Variants in LEKR1 observed in about 807,000 individuals in gnomAD.
LEKR1 encodes the protein protein LEKR1.
A neutral mutation model predicts 72.4 loss-of-function variants in LEKR1; 59 were observed. That is an observed-to-expected ratio of 0.82 (90% CI 0.66 to 1.01). The LOEUF (loss-of-function observed/expected upper bound fraction) is 1.01, where lower values mean the gene tolerates loss of function less well. LEKR1 is among the 50% of genes least tolerant of loss of function. LEKR1 has a pLI of 0.00. For synonymous variants in LEKR1, 257 were observed against 263.2 expected, an observed-to-expected ratio of 0.98 and a Z score of 0.23; for missense variants, 728 against 759.2, an observed-to-expected ratio of 0.96 and a Z score of 0.48.
intron 3 of LEKR1, among the ~76,000 whole-genome samples, chr3:156,914,135 A>G (rs990878531): frequency 7.9e-5 from 12 of 152,048 alleles, no homozygotes; most frequent in African/African-American, 2.9e-4. Flanking sequence ...CCATAATTAA[A>G]TTTTCTCAAT....
chr3:156,872,287 T>C (rs925146958), intron 3 of LEKR1, among the ~76,000 whole-genome samples: 1 of 152,040 alleles, frequency 6.6e-6, no homozygotes, highest in Non-Finnish European at 1.5e-5. Context: ...AACATCTTCT[T>C]TTTCATACCT....
chr3:156,839,788 C>A (rs971977172), intron 2 of LEKR1, among the ~76,000 whole-genome samples: 106 of 152,272 alleles, frequency 7.0e-4, no homozygotes, highest in African/African-American at 2.4e-3. Flanking sequence ...CAACATGAAC[C>A]TTCCTATGAT....
At chr3:156,850,143 A>G (rs2108536696) in intron 2 of LEKR1, among the ~76,000 whole-genome samples, 1 of 152,274 alleles carries the variant, frequency 6.6e-6, no homozygotes, top group Admixed American at 6.5e-5. Context: ...ATGCAGCCAA[A>G]AAAACACGTG....
At chr3:156,869,104 G>T (rs1279835690) in intron 3 of LEKR1, among the ~76,000 whole-genome samples, 2 of 152,000 alleles carry the variant, frequency 1.3e-5, no homozygotes, top group East Asian at 3.8e-4. Context: ...TTCCATTGAT[G>T]GACAGTTAGG....
Position 157,024,756 on chromosome 3 carries a change from C to G in LEKR1, c.1204-4C>G. ...TTTACATGTGCTTTAAATGCCATTT[C>G]TAGATTGAAGCAGAACTTGCCAAGG... On this transcript the variant is annotated splice_polypyrimidine_tract_variant and splice_region_variant and intron_variant, in intron 10 of 12. Coordinates refer to ENST00000356539, the MANE Select transcript of LEKR1 (RefSeq NM_001004316.3). 6.3e-7 allele frequency: 1 copy of G among 1,597,230 alleles called. No individual in the cohort carries two copies. The highest frequency in any genetic ancestry group is 8.5e-7 in the Non-Finnish European group (1 of 1,175,114).
At chr3:156,830,733 GA>G (rs961782149) in intron 2 of LEKR1, among the ~76,000 whole-genome samples, 5 of 150,654 alleles carry the variant, frequency 3.3e-5, no homozygotes, top group South Asian at 2.1e-4. Flanking sequence ...GTCTCGGAGA[GA>G]AAAAAAAATC....
At chr3:156,852,375 A>T (rs1421991643) in intron 2 of LEKR1, among the ~76,000 whole-genome samples, 1 of 152,218 alleles carries the variant, frequency 6.6e-6, no homozygotes, top group Non-Finnish European at 1.5e-5. Flanking sequence ...GATCTGAAAA[A>T]GCCAGGAGAA....
chr3:156,895,179 A>G (rs1395564438), intron 3 of LEKR1, among the ~76,000 whole-genome samples: 1 of 152,208 alleles, frequency 6.6e-6, no homozygotes, highest in East Asian at 1.9e-4. Context: ...AAGGAACTTA[A>G]ACAAATTTAC....
intron 10 of LEKR1, among the ~76,000 whole-genome samples, chr3:157,013,079 C>A (rs1482862): frequency 0.051 from 7,818 of 152,078 alleles, 232 homozygotes; most frequent in African/African-American, 0.076. Context: ...ATTAAAGTAA[C>A]ATTTTTGGAA....
intron 9 of LEKR1, among the ~76,000 whole-genome samples, chr3:157,005,078 T>C (rs1042444474): frequency 6.6e-6 from 1 of 152,000 alleles, no homozygotes; most frequent in Non-Finnish European, 1.5e-5. Flanking sequence ...CAGAAATTAC[T>C]AATATCAGAA....
intron 6 of LEKR1, among the ~76,000 whole-genome samples, chr3:156,974,393 G>C (rs1220267693): frequency 3.3e-5 from 5 of 152,118 alleles, no homozygotes; most frequent in East Asian, 1.9e-4. Context: ...AAGCATAAAT[G>C]CTCTCTAGAA....
chr3:156,987,076 T>C (rs1342755268), intron 7 of LEKR1, among the ~76,000 whole-genome samples: 1 of 151,742 alleles, frequency 6.6e-6, no homozygotes, highest in Non-Finnish European at 1.5e-5. Context: ...TGTATTGTAT[T>C]GTATTGTATT....
chr3:156,932,028 A>G (rs1306749767), intron 5 of LEKR1, among the ~76,000 whole-genome samples: 1 of 152,224 alleles, frequency 6.6e-6, no homozygotes, highest in Middle Eastern at 3.2e-3. Flanking sequence ...TCTTATCTGT[A>G]TGATGAAATG....
At chr3:156,984,257 T>C (rs943110626) in intron 7 of LEKR1, among the ~76,000 whole-genome samples, 1 of 152,220 alleles carries the variant, frequency 6.6e-6, no homozygotes, top group African/African-American at 2.4e-5. Flanking sequence ...CTTATCTCAC[T>C]CTATTATATA....
At chr3:156,999,037 T>C (rs2108014009) in intron 9 of LEKR1, among the ~76,000 whole-genome samples, 1 of 152,138 alleles carries the variant, frequency 6.6e-6, no homozygotes, top group South Asian at 2.1e-4. Flanking sequence ...GATCTGATGG[T>C]TTTATAAGGG....
intron 9 of LEKR1, among the ~76,000 whole-genome samples, chr3:156,999,381 CCTT>C (rs2108014290): frequency 6.6e-6 from 1 of 152,252 alleles, no homozygotes; most frequent in South Asian, 2.1e-4. Context: ...TTCTATCCCT[CCTT>C]CTGTCTCCTC....
intron 12 of LEKR1, among the ~76,000 whole-genome samples, chr3:157,039,506 C>G (rs922369025): frequency 1.3e-5 from 2 of 152,102 alleles, no homozygotes; most frequent in African/African-American, 4.8e-5. Flanking sequence ...GTAGTCCCAG[C>G]TACTTGGGAA....
chr3:156,973,118 C>T (rs1236862724), intron 6 of LEKR1, among the ~76,000 whole-genome samples: 3 of 151,988 alleles, frequency 2.0e-5, no homozygotes, highest in Non-Finnish European at 4.4e-5. Context: ...TAATCTTAGG[C>T]ACTTAATTCT....
At chr3:156,934,658 A>T (rs1226359670) in intron 5 of LEKR1, among the ~76,000 whole-genome samples, 1 of 152,172 alleles carries the variant, frequency 6.6e-6, no homozygotes, top group Non-Finnish European at 1.5e-5. Context: ...AATCATAAAC[A>T]TAAAACAACC....
Sources: allele counts gnomAD v4.1 joint callset (sites outside exome capture counted in the v4.1 genomes callset), GRCh38; gene constraint gnomAD v4.1.1; transcripts MANE v1.5; gene names NCBI Gene and HGNC (gene_info 2026-07-23, HGNC 2026-07-21).